The following IL1RAPL2 variants were observed in gnomAD, a reference collection of about 807,000 sequenced individuals.
IL1RAPL2 encodes interleukin 1 receptor accessory protein like 2.
IL1RAPL2 carries 3 observed loss-of-function variants against 44.1 expected under a neutral mutation model. The ratio of observed to expected loss-of-function variants is 0.07; its 90% CI spans 0.03 to 0.18. The LOEUF (loss-of-function observed/expected upper bound fraction) is 0.18, where lower values mean the gene tolerates loss of function less well. Among genes scored for constraint, IL1RAPL2 ranks in the 10% least tolerant of loss-of-function variants. IL1RAPL2 has a pLI of 1.00. For missense variants in IL1RAPL2, 391 were observed against 496.4 expected, an observed-to-expected ratio of 0.79 and a Z score of 2.02; for synonymous variants, 181 against 178.8, an observed-to-expected ratio of 1.01 and a Z score of -0.10.
intron 1 of IL1RAPL2, among the ~76,000 whole-genome samples, chrX:104,570,026 G>C (rs183052229): frequency 3.6e-3 from 402 of 112,341 alleles, no homozygotes; most frequent in African/African-American, 0.012. Context: ...TTCTTCGTTT[G>C]AGAAGTACCA....
intron 6 of IL1RAPL2, among the ~76,000 whole-genome samples, chrX:105,604,178 T>C (rs2037275134): frequency 9.1e-6 from 1 of 110,220 alleles, no homozygotes; most frequent in Admixed American, 9.6e-5. Context: ...ATAAACAAAA[T>C]AGATACGTAA....
At chrX:104,622,445 C>T (rs1377518874) in intron 1 of IL1RAPL2, among the ~76,000 whole-genome samples, 1 of 110,838 alleles carries the variant, frequency 9.0e-6, no homozygotes, top group Non-Finnish European at 1.9e-5. Context: ...CCTTCCCTGT[C>T]TCTTCTCTAA....
chrX:104,698,437 T>A (rs1411083003), intron 2 of IL1RAPL2, among the ~76,000 whole-genome samples: 1 of 112,132 alleles, frequency 8.9e-6, no homozygotes, highest in Non-Finnish European at 1.9e-5. Flanking sequence ...TACAGAGATG[T>A]AAGTTGTAGC....
At chrX:105,676,622 A>G (rs7880129) in intron 6 of IL1RAPL2, among the ~76,000 whole-genome samples, 1,208 of 111,911 alleles carry the variant, frequency 0.011, 22 homozygotes, top group African/African-American at 0.037. Flanking sequence ...TTGAACATCT[A>G]TGTCTCTAAA....
intron 2 of IL1RAPL2, among the ~76,000 whole-genome samples, chrX:104,950,617 A>G (rs182920530): frequency 6.6e-4 from 74 of 112,420 alleles, no homozygotes; most frequent in African/African-American, 2.3e-3. Flanking sequence ...GCTAGCAATG[A>G]GCGATACTCC....
chrX:104,920,309 T>C, intron 2 of IL1RAPL2, among the ~76,000 whole-genome samples: 1 of 110,564 alleles, frequency 9.0e-6, no homozygotes, highest in East Asian at 2.9e-4. Flanking sequence ...CACTACCAAA[T>C]AGTAGTAGCA....
Position 105,063,412 on chromosome X carries a change from C to G in IL1RAPL2, c.83-132063C>G, listed in dbSNP as rs146945179. ...TGTTTCTCAGGATTGGTCCCTAGTGCCTTATTTATTTAGTTCATTTTGTGA... is the reference window on the plus strand; with the variant it reads ...TGTTTCTCAGGATTGGTCCCTAGTGGCTTATTTATTTAGTTCATTTTGTGA... On this transcript the variant is annotated intron_variant, in intron 2 of 10. Coordinates refer to ENST00000372582, the MANE Select transcript of IL1RAPL2 (RefSeq NM_017416.2). 4.3e-3 allele frequency among the ~76,000 whole-genome samples: 483 copies of G among 111,917 alleles called. 6 individuals carry two copies. The highest frequency in any genetic ancestry group is 0.015 in the African/African-American group (456 of 30,812).
chrX:104,590,568 A>G (rs1464523042), intron 1 of IL1RAPL2, among the ~76,000 whole-genome samples: 1 of 111,759 alleles, frequency 8.9e-6, no homozygotes, highest in Non-Finnish European at 1.9e-5. Flanking sequence ...CACTCAGGAA[A>G]GAAACATCTG....
intron 2 of IL1RAPL2, among the ~76,000 whole-genome samples, chrX:104,720,237 C>T (rs1402295391): frequency 1.8e-5 from 2 of 111,301 alleles, no homozygotes; most frequent in African/African-American, 6.5e-5. Flanking sequence ...AGAAGCAAAT[C>T]GACATTGTTG....
chrX:104,980,333 T>A (rs775031000), intron 2 of IL1RAPL2, among the ~76,000 whole-genome samples: 6 of 112,092 alleles, frequency 5.4e-5, no homozygotes, highest in Admixed American at 1.9e-4. Context: ...AATGGTCATC[T>A]CTGGGTAATG....
At chrX:105,356,418 C>G (rs1483156465) in intron 5 of IL1RAPL2, among the ~76,000 whole-genome samples, 1 of 111,420 alleles carries the variant, frequency 9.0e-6, no homozygotes, top group South Asian at 3.7e-4. Flanking sequence ...ACATAATGGG[C>G]TCTAATATCA....
chrX:105,323,640 C>A (rs1277947205), intron 5 of IL1RAPL2, among the ~76,000 whole-genome samples: 4 of 111,381 alleles, frequency 3.6e-5, no homozygotes, highest in African/African-American at 9.8e-5. Flanking sequence ...CTTTGGGAGG[C>A]CAAGGGGTAG....
chrX:105,386,324 G>A (rs2035476039), intron 5 of IL1RAPL2, among the ~76,000 whole-genome samples: 1 of 111,387 alleles, frequency 9.0e-6, no homozygotes, highest in African/African-American at 3.3e-5. Context: ...TTTGGAATGT[G>A]ACTATGTACT....
intron 4 of IL1RAPL2, among the ~76,000 whole-genome samples, chrX:105,266,504 T>C (rs1048788438): frequency 2.7e-5 from 3 of 111,975 alleles, no homozygotes; most frequent in Non-Finnish European, 3.8e-5. Context: ...AAAAAATTCC[T>C]AAAAGACAAA....
intron 1 of IL1RAPL2, among the ~76,000 whole-genome samples, chrX:104,586,276 C>T (rs918779300): frequency 3.6e-5 from 4 of 111,034 alleles, no homozygotes; most frequent in Non-Finnish European, 5.7e-5. Context: ...TGTCCTTTGC[C>T]CACTTTTTAA....
chrX:105,049,391 A>C, intron 2 of IL1RAPL2, among the ~76,000 whole-genome samples: 1 of 111,861 alleles, frequency 8.9e-6, no homozygotes, highest in East Asian at 2.8e-4. Context: ...TCTTCATGTT[A>C]GGCAGATTTT....
intron 2 of IL1RAPL2, among the ~76,000 whole-genome samples, chrX:104,848,157 C>A: frequency 9.1e-6 from 1 of 109,909 alleles, no homozygotes; most frequent in Non-Finnish European, 1.9e-5. Flanking sequence ...CATTTGACTT[C>A]CTCTTTTCCT....
At chrX:105,550,207 C>G (rs750320023) in intron 6 of IL1RAPL2, among the ~76,000 whole-genome samples, 1 of 111,948 alleles carries the variant, frequency 8.9e-6, no homozygotes, top group South Asian at 3.8e-4. Flanking sequence ...TCCCTGGGGT[C>G]TGCCTTCCTG....
intron 2 of IL1RAPL2, among the ~76,000 whole-genome samples, chrX:104,851,890 A>G (rs60968848): frequency 0.011 from 1,276 of 111,637 alleles, 14 homozygotes; most frequent in African/African-American, 0.039. Context: ...ACCTGCTCTC[A>G]TGGGAATTAA....
Sources: allele counts gnomAD v4.1 joint callset (sites outside exome capture counted in the v4.1 genomes callset), GRCh38; gene constraint gnomAD v4.1.1; transcripts MANE v1.5; gene names NCBI Gene and HGNC (gene_info 2026-07-23, HGNC 2026-07-21).